AK9: variants seen among roughly 807,000 people sequenced by gnomAD.
The protein encoded by AK9 is adenylate kinase 9.
Under a neutral mutation model 239.6 loss-of-function variants are expected in AK9, and 191 were observed. The ratio of observed to expected loss-of-function variants is 0.80; its 90% CI spans 0.71 to 0.90. AK9 has a LOEUF of 0.90. AK9 is among the 40% of genes least tolerant of loss of function. The probability of loss-of-function intolerance (pLI) is 0.00; values close to 1 mark genes in which losing one functional copy is unlikely to be tolerated. For synonymous variants in AK9, 689 were observed against 721.0 expected (o/e 0.96, Z 0.71); for missense variants, 1,995 against 2,214.7 (o/e 0.90, Z 1.99).
chr6:109,575,299 G>A (rs909945973), intron 20 of AK9, among the ~76,000 whole-genome samples: 3 of 152,136 alleles, frequency 2.0e-5, no homozygotes, highest in Non-Finnish European at 4.4e-5. Context: ...CCCACAAGCA[G>A]TGTAAAACTG....
intron 22 of AK9, 96 bp downstream of exon 22, chr6:109,564,660 G>T: frequency 1.2e-6 from 1 of 867,794 alleles, no homozygotes; most frequent in African/African-American, 1.7e-5. Flanking sequence ...AAAGAAATAA[G>T]TATGACGCAC....
intron 8 of AK9, among the ~76,000 whole-genome samples, chr6:109,656,493 A>G (rs1434347170): frequency 6.6e-6 from 1 of 152,216 alleles, no homozygotes; most frequent in Non-Finnish European, 1.5e-5. Flanking sequence ...ACTCCCATCC[A>G]TAAAGGAATT....
At chr6:109,554,588 A>C (rs778337317) in intron 24 of AK9, among the ~76,000 whole-genome samples, 44 of 136,280 alleles carry the variant, frequency 3.2e-4, no homozygotes, top group Non-Finnish European at 5.0e-4. Flanking sequence ...ATGGAGTGCA[A>C]TGGTGTGATC....
intron 17 of AK9, among the ~76,000 whole-genome samples, chr6:109,590,958 T>C (rs1790152895): frequency 6.6e-6 from 1 of 152,112 alleles, no homozygotes; most frequent in Non-Finnish European, 1.5e-5. Context: ...CATTTAAGAA[T>C]GTTCCATGGG....
At chr6:109,558,347 C>T (rs1209304444) in intron 24 of AK9, among the ~76,000 whole-genome samples, 1 of 151,974 alleles carries the variant, frequency 6.6e-6, no homozygotes, top group Non-Finnish European at 1.5e-5. Context: ...TATGTTTCTT[C>T]CAGAAGTTTT....
chr6:109,674,164 TA>T, intron 3 of AK9, 33 bp downstream of exon 3: 2 of 1,498,998 alleles, frequency 1.3e-6, no homozygotes, highest in South Asian at 2.5e-5. Flanking sequence ...AAAGTTTTCA[TA>T]ATAAAATATT....
chr6:109,592,442 A>ATTGC (rs1790381438), intron 17 of AK9, among the ~76,000 whole-genome samples: 1 of 103,690 alleles, frequency 9.6e-6, no homozygotes, highest in Admixed American at 1.1e-4. Context: ...GTCTAATGGG[A>ATTGC]TTTCTTTTTT....
At chr6:109,626,029 A>G (rs1213361935) in intron 12 of AK9, among the ~76,000 whole-genome samples, 3 of 150,722 alleles carry the variant, frequency 2.0e-5, no homozygotes, top group African/African-American at 7.3e-5. Flanking sequence ...TTCTTTCAAT[A>G]TTTTTTTCTC....
At chr6:109,544,119 A>C (rs559015218) in intron 26 of AK9, among the ~76,000 whole-genome samples, 2 of 152,220 alleles carry the variant, frequency 1.3e-5, no homozygotes, top group Admixed American at 1.3e-4. Flanking sequence ...ATGCTGTCTC[A>C]AAAAGAAAAA....
intron 1 of AK9, among the ~76,000 whole-genome samples, chr6:109,683,720 T>C (rs1005406650): frequency 5.3e-5 from 8 of 152,012 alleles, no homozygotes; most frequent in African/African-American, 1.7e-4. Context: ...TCAAGGAGAA[T>C]TACAAACCAC....
rs572132780 is a variant in AK9 at position 109,546,109 on chromosome 6, A to G, written c.2983T>C (p.Cys995Arg). The G allele has an allele frequency of 9.0e-6, 12 of 1,330,098 alleles. No individual in the cohort carries two copies. The African/African-American group carries it at 1.7e-4, about 19-fold the overall frequency. 82.4% of individuals were successfully genotyped at this position (1,330,098 alleles called of 1,614,324 possible). A position where few individuals can be genotyped will look rare whatever the true frequency, so the allele number is the denominator to read the frequency against. Reference sequence around the variant, plus strand: ...CCAGAGCCCTGGGGGCCGACAAGGCATATTCTTAATGGAGGAGCCTGTCAC... The same window carrying G: ...CCAGAGCCCTGGGGGCCGACAAGGCGTATTCTTAATGGAGGAGCCTGTCAC... ...EPLKAPPLRICLVGPQGSGKT... is the reference protein window; with the variant it reads ...EPLKAPPLRIRLVGPQGSGKT... Residue 995 changes from cysteine (C) to arginine (R), a missense_variant, in exon 26 of 41, where the codon TGC becomes CGC. By Grantham distance (180) the Cys-to-Arg change is radical. This residue lies in a region of AK9 where 1,290 missense variants were observed against 1,392.7 expected (regional missense o/e 0.93). Coordinates refer to ENST00000424296, the MANE Select transcript of AK9 (RefSeq NM_001145128.3).
At position 109,674,280 on chromosome 6, in the gene AK9, A is replaced by T. The variant is rs777872161; in HGVS notation, c.118-19T>A. 14 of 1,523,068 alleles carry T rather than the reference A, an allele frequency of 9.2e-6. No homozygotes were observed. Among genetic ancestry groups the T allele is most frequent in the Non-Finnish European group, 1.2e-5 (14 of 1,130,236 alleles). The allele number at this position is 1,523,068 out of a possible 1,614,324, so 94.3% of individuals were successfully genotyped here. ...CAACACCCTTAAAAAGAAAAATGTT[A>T]TTTAAAGCCCAATAGAACAGTTACT... On this transcript the variant is annotated intron_variant, in intron 2 of 40. Transcript: ENST00000424296.
intron 27 of AK9, among the ~76,000 whole-genome samples, chr6:109,537,787 A>T (rs977155532): frequency 6.6e-6 from 1 of 151,990 alleles, no homozygotes; most frequent in Non-Finnish European, 1.5e-5. Flanking sequence ...TGTGTCCCAG[A>T]GATTCTGGTA....
Position 109,585,153 on chromosome 6 carries a change from T to C in AK9, c.2084A>G (p.Gln695Arg). Residue 695 changes from glutamine (Q) to arginine (R), a missense_variant, in exon 19 of 41, where the codon CAA (glutamine) becomes CGA (arginine). Transcript: ENST00000424296. ...TTCTTCTTCTTCTTTTTTTTTCTTTTGTAGTTCTTCTAATAATCTTTCTAA... is the reference window on the plus strand; with the variant it reads ...TTCTTCTTCTTCTTTTTTTTTCTTTCGTAGTTCTTCTAATAATCTTTCTAA... ...KILERLLEEL[Q>R]KKKKEEEEAR... is the part of the protein sequence containing the mutation. 8.8e-7 allele frequency: 1 copy of C among 1,141,298 alleles called. No homozygotes were observed. The highest frequency in any genetic ancestry group is 1.9e-5 in the South Asian group (1 of 53,206). The allele number at this position is 1,141,298 out of a possible 1,614,324, so 70.7% of individuals were successfully genotyped here. A position where few individuals can be genotyped will look rare whatever the true frequency, so the allele number is the denominator to read the frequency against.
At chr6:109,661,236 G>A (rs1800374882) in intron 6 of AK9, among the ~76,000 whole-genome samples, 1 of 152,142 alleles carries the variant, frequency 6.6e-6, no homozygotes, top group Non-Finnish European at 1.5e-5. Flanking sequence ...CATGAATGGG[G>A]TTAAGGACTT....
chr6:109,566,406 T>A (rs879401158), intron 21 of AK9, among the ~76,000 whole-genome samples: 1 of 152,132 alleles, frequency 6.6e-6, no homozygotes, highest in Non-Finnish European at 1.5e-5. Flanking sequence ...AAGATTCAGA[T>A]GAAAATTTTA....
intron 38 of AK9, among the ~76,000 whole-genome samples, chr6:109,496,369 G>A (rs1036478033): frequency 6.6e-5 from 10 of 152,178 alleles, no homozygotes; most frequent in Admixed American, 6.5e-4. Flanking sequence ...CAGGCACTGT[G>A]TTTGTTTGTA....
At chr6:109,495,976 C>T (rs1226153766) in intron 38 of AK9, among the ~76,000 whole-genome samples, 2 of 151,110 alleles carry the variant, frequency 1.3e-5, no homozygotes, top group African/African-American at 4.9e-5. Flanking sequence ...TTCATAATTC[C>T]CCATTTAAAA....
At chr6:109,652,172 T>A (rs1205625837) in intron 8 of AK9, among the ~76,000 whole-genome samples, 1 of 152,160 alleles carries the variant, frequency 6.6e-6, no homozygotes, top group Non-Finnish European at 1.5e-5. Context: ...ACTGGCAAAC[T>A]GAATCCAACA....
Sources: allele counts gnomAD v4.1 joint callset (sites outside exome capture counted in the v4.1 genomes callset), GRCh38; gene constraint gnomAD v4.1.1; regional missense constraint gnomAD v4.1.1; transcripts MANE v1.5; gene names NCBI Gene and HGNC (gene_info 2026-07-23, HGNC 2026-07-21).